The following JAK1 variants were observed in gnomAD, a reference collection of about 807,000 sequenced individuals.
JAK1 encodes Janus kinase 1.
In JAK1, 16 loss-of-function variants were observed where a neutral mutation model predicts 136.6. That is an observed-to-expected ratio of 0.12 (90% CI 0.08 to 0.18). The LOEUF (loss-of-function observed/expected upper bound fraction) is 0.18, where lower values mean the gene tolerates loss of function less well. Among genes scored for constraint, JAK1 ranks in the 10% least tolerant of loss-of-function variants. The pLI is 1.00. For missense variants in JAK1, 859 were observed against 1,450.1 expected (o/e 0.59, Z 6.62); for synonymous variants, 492 against 519.5 (o/e 0.95, Z 0.72).
At chr1:64,908,211 AT>A (rs1455780674) in intron 1 of JAK1, among the ~76,000 whole-genome samples, 1 of 152,198 alleles carries the variant, frequency 6.6e-6, no homozygotes, top group Non-Finnish European at 1.5e-5. Context: ...AGTAATTCTT[AT>A]CAAATTCTTA....
intron 17 of JAK1, among the ~76,000 whole-genome samples, chr1:64,842,185 A>G (rs1654947452): frequency 6.6e-6 from 1 of 152,210 alleles, no homozygotes. Flanking sequence ...CATGGCCCCA[A>G]TTTTGTTTAA....
intron 2 of JAK1, chr1:64,995,179 CTTAAAG>C (rs1307199532): frequency 2.0e-5 from 3 of 152,160 alleles, no homozygotes; most frequent in Non-Finnish European, 4.4e-5. Flanking sequence ...ACCAATTACA[CTTAAAG>C]TTAAAGCCCA....
intron 2 of JAK1, among the ~76,000 whole-genome samples, chr1:65,016,069 G>A (rs1448065876): frequency 6.6e-6 from 1 of 152,202 alleles, no homozygotes; most frequent in African/African-American, 2.4e-5. Flanking sequence ...GAAGACATAT[G>A]CTAAGTGAAA....
At chr1:64,835,991 A>G (rs1654457293) in intron 23 of JAK1, 107 bp downstream of exon 23, 10 of 695,702 alleles carry the variant, frequency 1.4e-5, no homozygotes, top group Non-Finnish European at 2.6e-5. Context: ...ATTTTCCATT[A>G]TAATACATTC....
chr1:64,924,073 C>G (rs940884655), intron 1 of JAK1, among the ~76,000 whole-genome samples: 3 of 152,088 alleles, frequency 2.0e-5, no homozygotes, highest in Non-Finnish European at 4.4e-5. Context: ...ACTCTGAATG[C>G]AATAACTATA....
chr1:65,001,668 A>G (rs1646758034), intron 2 of JAK1, among the ~76,000 whole-genome samples: 1 of 97,502 alleles, frequency 1.0e-5, no homozygotes, highest in African/African-American at 4.6e-5. Flanking sequence ...AGAGGTAGAA[A>G]GTGTGTGTGT....
Position 64,855,640 on chromosome 1 carries a change from C to T in JAK1, c.1517G>A (p.Arg506His), listed in dbSNP as rs201595595. ...GCGGTCCGAACCGTGCAGACTGTAG[C>T]GGCCCTTCTGCACCTCGATCTGAAA... ...KNFQIEVQKG[R>H]YSLHGSDRSF... The change falls in exon 11 of 25, where the codon CGC (arginine) becomes CAC (histidine). Residue 506 changes from arginine to histidine, a missense_variant. This residue lies in a region of JAK1 where 409 missense variants were observed against 753.8 expected (regional missense o/e 0.54). Coordinates refer to ENST00000342505, the MANE Select transcript of JAK1 (RefSeq NM_002227.4). 6.2e-6 allele frequency: 10 copies of T among 1,613,966 alleles called. No individual in the cohort carries two copies. The highest frequency in any genetic ancestry group is 4.5e-5 in the East Asian group (2 of 44,894).
At chr1:64,977,436 G>A (rs1471333961) in intron 2 of JAK1, among the ~76,000 whole-genome samples, 4 of 150,982 alleles carry the variant, frequency 2.6e-5, no homozygotes, top group Non-Finnish European at 5.9e-5. Flanking sequence ...ACAGGCATGA[G>A]CCACTGCACC....
At chr1:64,965,823 T>C (rs1446336006) in intron 1 of JAK1, among the ~76,000 whole-genome samples, 1 of 151,394 alleles carries the variant, frequency 6.6e-6, no homozygotes, top group African/African-American at 2.4e-5. Flanking sequence ...TCCCAGAAAC[T>C]TTCCCTCGCT....
At chr1:64,985,776 A>G in intron 2 of JAK1, 2 of 643,804 alleles carry the variant, frequency 3.1e-6, no homozygotes, top group Admixed American at 2.4e-5. Context: ...CAGTCCCATA[A>G]GGCAGCCACC....
chr1:65,034,145 G>T (rs1215252079), intron 2 of JAK1, among the ~76,000 whole-genome samples: 2 of 152,188 alleles, frequency 1.3e-5, no homozygotes, highest in East Asian at 3.8e-4. Flanking sequence ...GTACAACGTG[G>T]GTAGAGACAT....
chr1:64,913,874 T>C (rs1645345212), intron 1 of JAK1, among the ~76,000 whole-genome samples: 1 of 152,190 alleles, frequency 6.6e-6, no homozygotes, highest in African/African-American at 2.4e-5. Flanking sequence ...TAGGTGGGAC[T>C]GGAGATAGCA....
intron 2 of JAK1, among the ~76,000 whole-genome samples, chr1:65,019,744 C>T (rs1646921097): frequency 6.6e-6 from 1 of 151,686 alleles, no homozygotes; most frequent in African/African-American, 2.4e-5. Context: ...TTATGAAACC[C>T]CATCTTTATT....
At chr1:64,949,831 G>A (rs1646050054) in intron 1 of JAK1, among the ~76,000 whole-genome samples, 1 of 152,146 alleles carries the variant, frequency 6.6e-6, no homozygotes, top group Admixed American at 6.5e-5. Flanking sequence ...GCAGAAAAAT[G>A]CTAATTGTGT....
intron 2 of JAK1, among the ~76,000 whole-genome samples, chr1:65,035,865 G>A (rs1375576117): frequency 6.6e-6 from 1 of 152,124 alleles, no homozygotes; most frequent in Non-Finnish European, 1.5e-5. Flanking sequence ...TCACAAGCTC[G>A]AGACCAGCCT....
At chr1:65,047,550 C>T (rs1458661816) in intron 1 of JAK1, among the ~76,000 whole-genome samples, 1 of 152,108 alleles carries the variant, frequency 6.6e-6, no homozygotes, top group Non-Finnish European at 1.5e-5. Context: ...AACCCCGTCT[C>T]TACTAAAAAT....
At chr1:64,963,814 T>C (rs12143876) in intron 1 of JAK1, among the ~76,000 whole-genome samples, 9,726 of 152,206 alleles carry the variant, frequency 0.064, 420 homozygotes, top group Admixed American at 0.14. Flanking sequence ...CAGGACTTCT[T>C]AACCTGGGCA....
chr1:64,924,730 G>A (rs2100396244), intron 1 of JAK1, among the ~76,000 whole-genome samples: 1 of 152,284 alleles, frequency 6.6e-6, no homozygotes, highest in East Asian at 1.9e-4. Context: ...CTACTGGACA[G>A]GACTGTAGAA....
Position 64,883,312 on chromosome 1 carries a change from G to A in JAK1, c.170C>T (p.Ala57Val), listed in dbSNP as rs2101264379. The A allele has an allele frequency of 6.2e-7, 1 of 1,614,104 alleles. No individual in the cohort carries two copies. The highest frequency in any genetic ancestry group is 8.5e-7 in the Non-Finnish European group (1 of 1,179,984). ...PLRLGSGEYT[A>V]EELCIRAAQA... ...TGCAGCCCTGATGCACAGTTCCTCT[G>A]CTGTGTACTCTCCACTGCCCAGCCG... The change falls in exon 3 of 25, where the codon GCA becomes GTA. Residue 57 changes from alanine (A) to valine (V), a missense_variant. Around this residue, in one of 4 missense-constraint regions of JAK1, gnomAD observed 353 missense variants for 494.0 expected, o/e 0.71. Transcript: ENST00000342505.
Sources: gnomAD v4.1 joint callset for allele counts (sites outside exome capture counted in the v4.1 genomes callset) on GRCh38, gnomAD v4.1.1 for gene constraint, gnomAD v4.1.1 regional missense constraint, MANE v1.5 for transcripts, NCBI Gene and HGNC (gene_info 2026-07-23, HGNC 2026-07-21) for gene names.